SMIM35: variants seen among roughly 807,000 people sequenced by gnomAD.
The protein encoded by SMIM35 is TMPRSS4 antisense RNA 1 (non-protein coding).
At chr11:118,025,491 G>T in intron 1 of SMIM35, 1 of 455,206 alleles carries the variant, frequency 2.2e-6, no homozygotes, top group Non-Finnish European at 4.4e-6. Flanking sequence ...TTCCTTGCTG[G>T]CATGAGATGG....
intron 1 of SMIM35, among the ~76,000 whole-genome samples, chr11:118,020,771 G>A (rs2058221722): frequency 1.3e-5 from 2 of 149,518 alleles, no homozygotes; most frequent in South Asian, 4.3e-4. Context: ...GCAAATAAAG[G>A]CCATTTGCTT....
chr11:118,020,476 CTT>C (rs1359999396), intron 1 of SMIM35, among the ~76,000 whole-genome samples: 4 of 152,052 alleles, frequency 2.6e-5, no homozygotes, highest in African/African-American at 7.2e-5. Context: ...TTGGATAAAA[CTT>C]ATATATTTGA....
intron 1 of SMIM35, among the ~76,000 whole-genome samples, chr11:118,071,751 A>G (rs936478019): frequency 6.6e-6 from 1 of 152,218 alleles, no homozygotes; most frequent in Non-Finnish European, 1.5e-5. Flanking sequence ...CACTTCAGAA[A>G]TAATAGCCTC....
chr11:118,019,580 A>G (rs11216692), intron 1 of SMIM35, among the ~76,000 whole-genome samples: 3 of 152,106 alleles, frequency 2.0e-5, no homozygotes, highest in African/African-American at 4.8e-5. Context: ...GTTTGCCTAT[A>G]GTGTCTTTTT....
At chr11:118,076,307 T>C (rs1485692311) in intron 1 of SMIM35, among the ~76,000 whole-genome samples, 1 of 149,510 alleles carries the variant, frequency 6.7e-6, no homozygotes, top group Non-Finnish European at 1.5e-5. Context: ...CTTAGCTGGG[T>C]GTGGTGGCAG....
intron 1 of SMIM35, among the ~76,000 whole-genome samples, chr11:118,044,105 T>C (rs1383835968): frequency 6.6e-6 from 1 of 150,930 alleles, no homozygotes; most frequent in Non-Finnish European, 1.5e-5. Context: ...AGAGAAGGAG[T>C]TCCTAAATCC....
chr11:118,004,439 C>G lies in SMIM35; in HGVS notation c.*1971G>C, dbSNP rs920647739. Reference sequence around the variant, plus strand: ...CTCAGAAGTGCTAGTCACACTTGAACCCGATGATGAGAAAAGCGAAATATG... The same window carrying G: ...CTCAGAAGTGCTAGTCACACTTGAAGCCGATGATGAGAAAAGCGAAATATG... On this transcript the variant is annotated 3_prime_UTR_variant, in exon 5 of 5. Transcript: ENST00000689828. The G allele has an allele frequency of 6.6e-6, 1 of 152,218 alleles. No individual in the cohort carries two copies. The highest frequency in any genetic ancestry group is 1.5e-5 in the Non-Finnish European group (1 of 68,074). 9.4% of individuals were successfully genotyped at this position (152,218 alleles called of 1,614,324 possible).
intron 1 of SMIM35, among the ~76,000 whole-genome samples, chr11:118,033,835 G>A (rs11216714): frequency 0.04 from 6,027 of 152,314 alleles, 202 homozygotes; most frequent in East Asian, 0.19. Flanking sequence ...GTGCCAAACA[G>A]ATGTGAACTT....
intron 1 of SMIM35, among the ~76,000 whole-genome samples, chr11:118,075,853 A>G (rs1175286070): frequency 6.6e-6 from 1 of 152,260 alleles, no homozygotes; most frequent in Non-Finnish European, 1.5e-5. Flanking sequence ...ATGGGGGAAC[A>G]ATGTGGACAA....
At chr11:118,071,909 C>T (rs774583631) in intron 1 of SMIM35, among the ~76,000 whole-genome samples, 11 of 152,164 alleles carry the variant, frequency 7.2e-5, no homozygotes, top group Non-Finnish European at 1.5e-4. Flanking sequence ...CAGCTTCCAG[C>T]ACTGGTGGCA....
At chr11:118,042,068 A>AG (rs377312959) in intron 1 of SMIM35, among the ~76,000 whole-genome samples, 2 of 117,860 alleles carry the variant, frequency 1.7e-5, no homozygotes, top group Non-Finnish European at 3.3e-5. Context: ...AAAAAAAAAA[A>AG]AGAGAGAGAG....
intron 1 of SMIM35, among the ~76,000 whole-genome samples, chr11:118,021,047 G>GTTTTTTTTTTTTTTTTTTTTTTTTTT (rs367714265): frequency 2.8e-5 from 4 of 140,756 alleles, no homozygotes; most frequent in African/African-American, 5.2e-5. Context: ...ACAGGGTAAG[G>GTTTTTTTTTTTTTTTTTTTTTTTTTT]TTTTTTTTTT....
chr11:118,079,108 CCCAAAGGCA>C (rs1179678881), intron 1 of SMIM35, among the ~76,000 whole-genome samples: 12 of 152,020 alleles, frequency 7.9e-5, no homozygotes, highest in Non-Finnish European at 1.8e-4. Flanking sequence ...GGCCTGGGGC[CCCAAAGGCA>C]AGGCAGCAGC....
chr11:118,034,742 G>T (rs894725577), intron 1 of SMIM35, among the ~76,000 whole-genome samples: 1 of 152,168 alleles, frequency 6.6e-6, no homozygotes, highest in Non-Finnish European at 1.5e-5. Flanking sequence ...AATGTGAAGG[G>T]TGAAAGTAGG....
intron 1 of SMIM35, among the ~76,000 whole-genome samples, chr11:118,084,670 T>C (rs1351576152): frequency 2.0e-5 from 3 of 152,180 alleles, no homozygotes; most frequent in South Asian, 2.1e-4. Context: ...TGTAGGGTAA[T>C]TGGGGCAGAG....
intron 1 of SMIM35, among the ~76,000 whole-genome samples, chr11:118,063,153 GCCCTC>G (rs1944417806): frequency 2.0e-5 from 3 of 152,198 alleles, no homozygotes; most frequent in Admixed American, 6.5e-5. Flanking sequence ...GCAACCAGCA[GCCCTC>G]GGGGCTGCTC....
At chr11:118,018,215 C>T (rs1242616878) in intron 1 of SMIM35, among the ~76,000 whole-genome samples, 1 of 152,118 alleles carries the variant, frequency 6.6e-6, no homozygotes, top group Admixed American at 6.5e-5. Flanking sequence ...ATGTAGTGCT[C>T]TGAAGACAAT....
intron 1 of SMIM35, among the ~76,000 whole-genome samples, chr11:118,076,176 G>A (rs554955016): frequency 1.3e-4 from 20 of 152,370 alleles, no homozygotes; most frequent in African/African-American, 4.8e-4. Flanking sequence ...GGAGGCTGAG[G>A]CAGGAGAATC....
intron 1 of SMIM35, among the ~76,000 whole-genome samples, chr11:118,045,723 A>G (rs1443546855): frequency 1.3e-5 from 2 of 152,178 alleles, no homozygotes; most frequent in Non-Finnish European, 2.9e-5. Flanking sequence ...TCTAAACTTT[A>G]CCTTCACTCT....
Sources: gnomAD v4.1 joint callset for allele counts (sites outside exome capture counted in the v4.1 genomes callset) on GRCh38, gnomAD v4.1.1 for gene constraint, MANE v1.5 for transcripts, NCBI Gene and HGNC (gene_info 2026-07-23, HGNC 2026-07-21) for gene names.